Variants in SPIRE1 observed in about 807,000 individuals in gnomAD.
SPIRE1 encodes the protein spire type actin nucleation factor 1.
In SPIRE1, 40 loss-of-function variants were observed where a neutral mutation model predicts 94.1. That is an observed-to-expected ratio of 0.43 (90% CI 0.33 to 0.55). SPIRE1 has a LOEUF of 0.55. Among genes scored for constraint, SPIRE1 ranks in the 20% least tolerant of loss-of-function variants. The pLI, the probability that SPIRE1 is intolerant of heterozygous loss-of-function variation, is 0.06. For synonymous variants in SPIRE1, 376 were observed against 371.7 expected (o/e 1.01, Z -0.13); for missense variants, 838 against 975.2 (o/e 0.86, Z 1.87).
chr18:12,655,668 T>G (rs1453667381), intron 1 of SPIRE1, among the ~76,000 whole-genome samples: 1 of 151,646 alleles, frequency 6.6e-6, no homozygotes, highest in African/African-American at 2.4e-5. Context: ...ATGTAAAAAA[T>G]AATCCAATTC....
At chr18:12,548,743 G>A (rs2035246345) in intron 2 of SPIRE1, among the ~76,000 whole-genome samples, 1 of 151,592 alleles carries the variant, frequency 6.6e-6, no homozygotes, top group Non-Finnish European at 1.5e-5. Context: ...CTCCCTAGTA[G>A]CTGGGAAAAC....
chr18:12,613,289 G>C (rs1045395691), intron 2 of SPIRE1, among the ~76,000 whole-genome samples: 2 of 152,136 alleles, frequency 1.3e-5, no homozygotes, highest in Non-Finnish European at 2.9e-5. Flanking sequence ...GTGTCCACCT[G>C]GAATCTACTG....
At chr18:12,496,725 C>T (rs930028522) in intron 6 of SPIRE1, among the ~76,000 whole-genome samples, 20 of 151,932 alleles carry the variant, frequency 1.3e-4, no homozygotes, top group East Asian at 1.9e-4. Flanking sequence ...AAAAATTAGC[C>T]GGGCGTGGTG....
intron 4 of SPIRE1, among the ~76,000 whole-genome samples, chr18:12,513,727 C>T (rs374948446): frequency 3.5e-4 from 54 of 152,162 alleles, no homozygotes; most frequent in East Asian, 2.9e-3. Context: ...TTCTCCATGT[C>T]GGTCAGGCTG....
chr18:12,501,666 G>T (rs1427361450), intron 6 of SPIRE1, among the ~76,000 whole-genome samples: 2 of 152,198 alleles, frequency 1.3e-5, no homozygotes, highest in Non-Finnish European at 2.9e-5. Flanking sequence ...ACAGGCATGA[G>T]CCATGGCGCC....
In SPIRE1 at chr18:12,612,368, G is replaced by C. The variant is rs182747083; in HGVS notation, c.372+22694C>G. Among the ~76,000 whole-genome samples, 3 of 152,164 alleles carry C rather than the reference G, an allele frequency of 2.0e-5. No individual in the cohort carries two copies. The East Asian group carries it at 5.8e-4, about 29-fold the overall frequency. ...TGGCCACGCCTTCTTAGGCTTCTTT[G>C]CTGGCTCCTCCTGTCTCGCCATCCT... On this transcript the variant is annotated intron_variant, in intron 2 of 16. Coordinates refer to ENST00000409402, the MANE Select transcript of SPIRE1 (RefSeq NM_001128626.2).
intron 2 of SPIRE1, among the ~76,000 whole-genome samples, chr18:12,547,581 A>C (rs2035210851): frequency 6.6e-6 from 1 of 152,164 alleles, no homozygotes; most frequent in African/African-American, 2.4e-5. Flanking sequence ...TATATATTTA[A>C]AAAAGCACAT....
At chr18:12,592,703 G>C (rs956197132) in intron 2 of SPIRE1, among the ~76,000 whole-genome samples, 2 of 152,226 alleles carry the variant, frequency 1.3e-5, no homozygotes, top group African/African-American at 4.8e-5. Flanking sequence ...CACAATGGCA[G>C]TAACTGCAGA....
At chr18:12,648,890 CAAAAAAAAAAAAAAAAA>C (rs56696562) in intron 1 of SPIRE1, among the ~76,000 whole-genome samples, 1 of 85,522 alleles carries the variant, frequency 1.2e-5, no homozygotes, top group Non-Finnish European at 2.2e-5. Flanking sequence ...AACTCCGTCT[CAAAAAAAAAAAAAAAAA>C]AAAAGAAAAA....
intron 3 of SPIRE1, among the ~76,000 whole-genome samples, chr18:12,537,584 G>GT (rs951796050): frequency 6.6e-6 from 1 of 152,034 alleles, no homozygotes; most frequent in Non-Finnish European, 1.5e-5. Flanking sequence ...TCTAAAAAAT[G>GT]TTTTTTTAAA....
intron 3 of SPIRE1, among the ~76,000 whole-genome samples, chr18:12,537,396 C>T (rs1309776075): frequency 1.3e-5 from 2 of 152,190 alleles, no homozygotes; most frequent in South Asian, 4.1e-4. Flanking sequence ...CAACTGCTAT[C>T]CACAGTAAGA....
chr18:12,556,946 C>T (rs983941695), intron 2 of SPIRE1, among the ~76,000 whole-genome samples: 4 of 152,184 alleles, frequency 2.6e-5, no homozygotes, highest in Non-Finnish European at 5.9e-5. Context: ...GTCCATTTCA[C>T]GGAGAGCTGA....
At chr18:12,648,085 T>C (rs12967204) in intron 1 of SPIRE1, among the ~76,000 whole-genome samples, 26,469 of 152,048 alleles carry the variant, frequency 0.17, 2,989 homozygotes, top group Middle Eastern at 0.27. Flanking sequence ...TATAAACAAA[T>C]GATTGAATAT....
At chr18:12,454,241 C>T (rs2031394899) in intron 13 of SPIRE1, 105 bp downstream of exon 13, 7 of 1,371,440 alleles carry the variant, frequency 5.1e-6, no homozygotes. Flanking sequence ...CCCAAATCCC[C>T]TCAAAGTCTG....
intron 2 of SPIRE1, among the ~76,000 whole-genome samples, chr18:12,589,299 T>C (rs541144334): frequency 5.3e-5 from 8 of 152,202 alleles, no homozygotes; most frequent in African/African-American, 1.2e-4. Context: ...TTGGCCACTA[T>C]AGAGCTCCAT....
chr18:12,523,278 G>A (rs1408763742), intron 4 of SPIRE1, among the ~76,000 whole-genome samples: 4 of 152,196 alleles, frequency 2.6e-5, no homozygotes, highest in African/African-American at 9.6e-5. Context: ...AATCTCATGA[G>A]AAAACTTGAA....
At chr18:12,659,936 C>G (rs2038661566), upstream of SPIRE1, among the ~76,000 whole-genome samples, 1 of 152,128 alleles carries the variant, frequency 6.6e-6, no homozygotes, top group Non-Finnish European at 1.5e-5. Flanking sequence ...TTTGCTATTT[C>G]AAAAGTTTAT....
intron 2 of SPIRE1, among the ~76,000 whole-genome samples, chr18:12,633,340 G>A (rs1364316302): frequency 1.3e-5 from 2 of 152,112 alleles, no homozygotes; most frequent in Non-Finnish European, 2.9e-5. Context: ...AGTGGCTCAC[G>A]CCTGTAATGG....
chr18:12,492,250 G>C (rs1329959987), intron 8 of SPIRE1, among the ~76,000 whole-genome samples: 1 of 152,192 alleles, frequency 6.6e-6, no homozygotes, highest in African/African-American at 2.4e-5. Flanking sequence ...GAGAAAACTA[G>C]CAGAGTGGGG....
Sources: gnomAD v4.1 joint callset for allele counts (sites outside exome capture counted in the v4.1 genomes callset) on GRCh38, gnomAD v4.1.1 for gene constraint, MANE v1.5 for transcripts, NCBI Gene and HGNC (gene_info 2026-07-23, HGNC 2026-07-21) for gene names.